The following FIGN variants were observed in gnomAD, a reference collection of about 807,000 sequenced individuals.
FIGN encodes the protein fidgetin, microtubule severing factor, also known as fidgetin.
Under a neutral mutation model 51.3 loss-of-function variants are expected in FIGN, and 11 were observed. The observed-to-expected ratio is 0.21, with a 90% confidence interval of 0.13 to 0.35. The LOEUF (loss-of-function observed/expected upper bound fraction) is 0.35. Among genes scored for constraint, FIGN ranks in the 10% least tolerant of loss-of-function variants. The pLI, the probability that FIGN is intolerant of heterozygous loss-of-function variation, is 1.00. For missense variants in FIGN, 857 were observed against 943.6 expected (o/e 0.91, Z 1.20); for synonymous variants, 407 against 363.2 (o/e 1.12, Z -1.37).
chr2:163,715,775 A>T (rs1450759616), intron 2 of FIGN, among the ~76,000 whole-genome samples: 1 of 152,192 alleles, frequency 6.6e-6, no homozygotes, highest in African/African-American at 2.4e-5. Context: ...TTAAAAGAGG[A>T]CACTCATTTT....
At chr2:163,616,559 T>C (rs552392417) in intron 2 of FIGN, among the ~76,000 whole-genome samples, 1 of 152,136 alleles carries the variant, frequency 6.6e-6, no homozygotes, top group Non-Finnish European at 1.5e-5. Flanking sequence ...GGCAGGGACC[T>C]GAGGCAAACA....
In FIGN at chr2:163,707,964, T is replaced by C. The variant is rs192632077; in HGVS notation, c.25+26939A>G. Among the ~76,000 whole-genome samples, 3 of 152,328 alleles carry C rather than the reference T, an allele frequency of 2.0e-5. No individual in the cohort carries two copies. The East Asian group carries it at 5.8e-4, about 29-fold the overall frequency. ...TTTACATAACTATTTTTAAGCCACA[T>C]TGTGATATCAAATCCTATTTGTCTT... On this transcript the variant is annotated intron_variant, in intron 2 of 2. Transcript: ENST00000333129.
intron 2 of FIGN, among the ~76,000 whole-genome samples, chr2:163,648,788 T>C (rs1007890807): frequency 3.9e-5 from 6 of 152,222 alleles, no homozygotes; most frequent in African/African-American, 1.4e-4. Context: ...CACTTTTGTT[T>C]TGAATGCAAA....
At chr2:163,715,087 T>C (rs765923638) in intron 2 of FIGN, among the ~76,000 whole-genome samples, 10 of 152,162 alleles carry the variant, frequency 6.6e-5, no homozygotes, top group Non-Finnish European at 1.0e-4. Context: ...CTAATAAAGA[T>C]AAAGAAAAGG....
intron 2 of FIGN, among the ~76,000 whole-genome samples, chr2:163,679,556 A>C (rs982940520): frequency 4.6e-5 from 7 of 152,086 alleles, no homozygotes; most frequent in South Asian, 2.1e-4. Context: ...AAAGTATACC[A>C]GCTTTAGTCA....
intron 2 of FIGN, among the ~76,000 whole-genome samples, chr2:163,730,504 T>TTGTGTGTGTGTGTGTG (rs59444555): frequency 1.3e-5 from 2 of 148,930 alleles, no homozygotes; most frequent in Non-Finnish European, 3.0e-5. Flanking sequence ...TGCTCCGTGT[T>TTGTGTGTGTGTGTGTG]TGTGTGTGTG....
intron 2 of FIGN, among the ~76,000 whole-genome samples, chr2:163,620,194 GT>G (rs1321233676): frequency 6.6e-6 from 1 of 152,288 alleles, no homozygotes; most frequent in South Asian, 2.1e-4. Flanking sequence ...TGCTACCTCT[GT>G]GAATTTTAGA....
At chr2:163,664,220 T>G (rs893561291) in intron 2 of FIGN, among the ~76,000 whole-genome samples, 3 of 152,098 alleles carry the variant, frequency 2.0e-5, no homozygotes, top group African/African-American at 7.2e-5. Context: ...CTACCCCCCT[T>G]TAAAAAGTAA....
At chr2:163,733,145 G>T (rs192380250) in intron 2 of FIGN, among the ~76,000 whole-genome samples, 2 of 151,954 alleles carry the variant, frequency 1.3e-5, no homozygotes, top group African/African-American at 2.4e-5. Flanking sequence ...TGATAACAAG[G>T]CTCCTAAGTT....
chr2:163,676,467 AT>A (rs1294320866), intron 2 of FIGN, among the ~76,000 whole-genome samples: 6 of 107,778 alleles, frequency 5.6e-5, no homozygotes, highest in African/African-American at 2.0e-4. Flanking sequence ...ATATATATAT[AT>A]ATATATATAT....
rs1691146503 is a variant in FIGN at position 163,607,962 on chromosome 2, A to T, written c.*1590T>A. 1 of 152,686 alleles carries T rather than the reference A, an allele frequency of 6.5e-6. No homozygotes were observed. The highest frequency in any genetic ancestry group is 2.1e-4 in the South Asian group (1 of 4,834). 9.5% of individuals were successfully genotyped at this position (152,686 alleles called of 1,614,324 possible). A position where few individuals can be genotyped will look rare whatever the true frequency, so the allele number is the denominator to read the frequency against. On this transcript the variant is annotated 3_prime_UTR_variant, in exon 3 of 3. Transcript: ENST00000333129. The stretch of plus-strand genomic sequence containing the variant: ...AATTAAGAAAAATGCCACTTATGCC[A>T]TGGGTAGGGGTGGGGCTGGTAGACT...
intron 2 of FIGN, among the ~76,000 whole-genome samples, chr2:163,677,119 C>A (rs928466126): frequency 6.6e-6 from 1 of 152,156 alleles, no homozygotes; most frequent in Admixed American, 6.5e-5. Flanking sequence ...AGGATGTGAA[C>A]CATCAAGTTT....
intron 2 of FIGN, among the ~76,000 whole-genome samples, chr2:163,708,697 G>C (rs1177818169): frequency 6.6e-6 from 1 of 152,086 alleles, no homozygotes; most frequent in Non-Finnish European, 1.5e-5. Flanking sequence ...TAAAAGTGAG[G>C]TTAGGAGAAT....
At chr2:163,617,437 CACAG>C in intron 2 of FIGN, among the ~76,000 whole-genome samples, 1 of 152,220 alleles carries the variant, frequency 6.6e-6, no homozygotes, top group South Asian at 2.1e-4. Flanking sequence ...TTCACAATTT[CACAG>C]TCTAAATTCT....
At chr2:163,725,265 GAAAGA>G (rs1381294561) in intron 2 of FIGN, among the ~76,000 whole-genome samples, 1 of 151,674 alleles carries the variant, frequency 6.6e-6, no homozygotes, top group Non-Finnish European at 1.5e-5. Context: ...TTTTTAAAAA[GAAAGA>G]AAAGAAAAGA....
chr2:163,680,956 C>A (rs1189594791), intron 2 of FIGN, among the ~76,000 whole-genome samples: 1 of 152,150 alleles, frequency 6.6e-6, no homozygotes, highest in East Asian at 1.9e-4. Context: ...TGGCATGTGC[C>A]AGACACTATG....
intron 2 of FIGN, among the ~76,000 whole-genome samples, chr2:163,641,663 G>T (rs75622282): frequency 6.6e-6 from 1 of 152,312 alleles, no homozygotes; most frequent in African/African-American, 2.4e-5. Flanking sequence ...TTAGAAATCC[G>T]ATGCGGAAGA....
Position 163,603,244 on chromosome 2 carries a change from A to G in FIGN, c.*6308T>C, listed in dbSNP as rs2105293407. 1 of 152,218 alleles carries G rather than the reference A, an allele frequency of 6.6e-6. No homozygotes were observed. Among genetic ancestry groups the G allele is most frequent in the South Asian group, 2.1e-4 (1 of 4,832 alleles). The allele number at this position is 152,218 out of a possible 1,614,324, so 9.4% of individuals were successfully genotyped here. A position where few individuals can be genotyped will look rare whatever the true frequency, so the allele number is the denominator to read the frequency against. On this transcript the variant is annotated 3_prime_UTR_variant, in exon 3 of 3. Transcript: ENST00000333129. Reference sequence around the variant, plus strand: ...GTAAAATAATGCACACAAAAAAATGATTTGAAATTTGCAGAACAAATAAGG... The same window carrying G: ...GTAAAATAATGCACACAAAAAAATGGTTTGAAATTTGCAGAACAAATAAGG...
At chr2:163,692,725 A>G (rs1349223085) in intron 2 of FIGN, among the ~76,000 whole-genome samples, 1 of 152,228 alleles carries the variant, frequency 6.6e-6, no homozygotes, top group African/African-American at 2.4e-5. Context: ...GAGATGTTAA[A>G]AAGAAAAAAA....
Sources: allele counts gnomAD v4.1 joint callset (sites outside exome capture counted in the v4.1 genomes callset), GRCh38; gene constraint gnomAD v4.1.1; transcripts MANE v1.5; gene names NCBI Gene and HGNC (gene_info 2026-07-23, HGNC 2026-07-21).